The following C19orf47 variants were observed in gnomAD, a reference collection of about 807,000 sequenced individuals.
The protein encoded by C19orf47 is uncharacterized protein C19orf47.
Under a neutral mutation model 32.3 loss-of-function variants are expected in C19orf47, and 18 were observed. That is an observed-to-expected ratio of 0.56 (90% confidence interval 0.39 to 0.83). The LOEUF is 0.83. Among genes scored for constraint, C19orf47 ranks in the 40% least tolerant of loss-of-function variants. The pLI is 0.00. For missense variants in C19orf47, 484 were observed against 531.6 expected, an observed-to-expected ratio of 0.91 and a Z score of 0.88; for synonymous variants, 202 against 211.1, an observed-to-expected ratio of 0.96 and a Z score of 0.37.
chr19:40,308,042 C>A, the C19orf47 span, among the ~76,000 whole-genome samples: 1 of 152,086 alleles, frequency 6.6e-6, no homozygotes, highest in Admixed American at 6.6e-5. Flanking sequence ...TAGGATCAAG[C>A]TCTTCATAAT....
intron 2 of C19orf47, among the ~76,000 whole-genome samples, chr19:40,338,276 C>T (rs1374654320): frequency 6.7e-6 from 1 of 148,902 alleles, no homozygotes; most frequent in African/African-American, 2.5e-5. Flanking sequence ...TACACACACA[C>T]ACACACACAC....
rs533193114 is a variant in C19orf47, at chr19:40,321,796, G to A, written c.*86C>T. 49 of 1,446,506 alleles carry A rather than the reference G, an allele frequency of 3.4e-5. No individual in the cohort carries two copies. The East Asian group carries it at 1.2e-3, about 35-fold the overall frequency. The allele number at this position is 1,446,506 out of a possible 1,614,324, so 89.6% of individuals were successfully genotyped here. ...GACAAGCTGTGTCATCCAGGAGCTG[G>A]TGGGAGGCGTGATGAAGCCAGGAGC... On this transcript the variant is annotated 3_prime_UTR_variant, in exon 9 of 9. Coordinates refer to ENST00000683109, the MANE Select transcript of C19orf47 (RefSeq NM_001256441.2).
chr19:40,317,175 G>A (rs560612599), downstream of C19orf47, among the ~76,000 whole-genome samples: 1 of 151,878 alleles, frequency 6.6e-6, no homozygotes, highest in Non-Finnish European at 1.5e-5. Context: ...GCAGTGGTGC[G>A]ATCACAGCTC....
At chr19:40,304,536 AC>A in the C19orf47 span, among the ~76,000 whole-genome samples, 1 of 152,028 alleles carries the variant, frequency 6.6e-6, no homozygotes, top group Non-Finnish European at 1.5e-5. Flanking sequence ...TAACAAGACA[AC>A]TTTTATTCAC....
intron 1 of C19orf47, chr19:40,342,358 A>G (rs1286620982): frequency 2.4e-5 from 4 of 166,458 alleles, no homozygotes; most frequent in Non-Finnish European, 3.9e-5. Flanking sequence ...AATTATCTCA[A>G]TTGACTGTTC....
At chr19:40,305,071 G>A in the C19orf47 span, among the ~76,000 whole-genome samples, 3 of 152,174 alleles carry the variant, frequency 2.0e-5, no homozygotes, top group East Asian at 1.9e-4. Flanking sequence ...GGCCAGGCGC[G>A]GTGGCTCATG....
At position 40,321,577 on chromosome 19, in the gene C19orf47, AG is replaced by A; in HGVS notation, c.*304del. 8.7e-7 allele frequency: 1 copy of A among 1,152,034 alleles called. No homozygotes were observed. Among genetic ancestry groups the A allele is most frequent in the Non-Finnish European group, 1.1e-6 (1 of 933,464 alleles). 71.4% of individuals were successfully genotyped at this position (1,152,034 alleles called of 1,614,324 possible). On this transcript the variant is annotated 3_prime_UTR_variant, in exon 9 of 9. Transcript: ENST00000683109. ...CAGGGGAAGAAGGGGAATGTAGGAGAGGAAGAAGCCCCCTGGCACTTGGGAG... is the reference window on the plus strand; with the variant it reads ...CAGGGGAAGAAGGGGAATGTAGGAGAGAAGAAGCCCCCTGGCACTTGGGAG...
the C19orf47 span, among the ~76,000 whole-genome samples, chr19:40,294,513 C>G: frequency 1.3e-5 from 2 of 151,618 alleles, no homozygotes; most frequent in Non-Finnish European, 2.9e-5. Context: ...ATGTCTGTGT[C>G]TTTTGTGTTG....
chr19:40,322,354 A>G lies in C19orf47; in HGVS notation c.686T>C (p.Leu229Pro). 1 of 1,593,040 alleles carries G rather than the reference A, an allele frequency of 6.3e-7. No individual in the cohort carries two copies. The highest frequency in any genetic ancestry group is 8.6e-7 in the Non-Finnish European group (1 of 1,167,042). The change falls in exon 9 of 9, where the codon CTG becomes CCG. Residue 229 changes from leucine to proline, a missense_variant. Coordinates refer to ENST00000683109, the MANE Select transcript of C19orf47 (RefSeq NM_001256441.2). Reference sequence around the variant, plus strand: ...CTCGTCCGTTTCTGGGGTGGCCCCCAGGCGGCTGAAGACTCCTGTGGGCTG... The same window carrying G: ...CTCGTCCGTTTCTGGGGTGGCCCCCGGGCGGCTGAAGACTCCTGTGGGCTG... ...GSKPTGVFSR[L>P]GATPETDEDL...
the C19orf47 span, among the ~76,000 whole-genome samples, chr19:40,298,150 G>C: frequency 6.6e-6 from 1 of 151,820 alleles, no homozygotes; most frequent in Non-Finnish European, 1.5e-5. Context: ...AAGAACATGT[G>C]AAATAAATAA....
At chr19:40,308,445 A>G in the C19orf47 span, among the ~76,000 whole-genome samples, 224 of 147,618 alleles carry the variant, frequency 1.5e-3, no homozygotes, top group Middle Eastern at 0.015. Flanking sequence ...GTGAGCCACC[A>G]CGCCCAGCCA....
At chr19:40,315,379 C>T (rs2077654913), downstream of C19orf47, among the ~76,000 whole-genome samples, 1 of 152,148 alleles carries the variant, frequency 6.6e-6, no homozygotes. Context: ...GGTGTGGTGG[C>T]TCATGCCTGT....
chr19:40,329,592 G>A (rs538653976), intron 5 of C19orf47, among the ~76,000 whole-genome samples: 1 of 152,208 alleles, frequency 6.6e-6, no homozygotes, highest in South Asian at 2.1e-4. Context: ...CCAGCACCCA[G>A]GCATCATGAC....
At chr19:40,326,570 T>A in intron 6 of C19orf47, 84 bp from the exon 7 acceptor site, 1 of 1,470,996 alleles carries the variant, frequency 6.8e-7, no homozygotes, top group Non-Finnish European at 9.2e-7. Context: ...GTGTCCTTTA[T>A]CTCCACACAT....
At chr19:40,323,963 C>A in intron 8 of C19orf47, 43 bp downstream of exon 8, 1 of 1,610,650 alleles carries the variant, frequency 6.2e-7, no homozygotes, top group Non-Finnish European at 8.5e-7. Flanking sequence ...TCAGGGAAGA[C>A]AACAGCTCGC....
rs370360957 is a variant in C19orf47, at chr19:40,336,340, G to T, written c.87C>A (p.Ala29=). ...CTCACCTATTATCCACAAACATCAC[G>T]GCATAATTGACGGCAGGTCCTGGAG... The part of the protein sequence containing the change: ...GIPPGPAVNY[A]VMFVDNRIQK... Residue 29 remains alanine, a synonymous_variant, in exon 3 of 9, where the codon GCC becomes GCA. Transcript: ENST00000683109. 1.2e-6 allele frequency: 2 copies of T among 1,614,004 alleles called. No homozygotes were observed. Among genetic ancestry groups the T allele is most frequent in the African/African-American group, 2.7e-5 (2 of 74,892 alleles).
intron 5 of C19orf47, among the ~76,000 whole-genome samples, chr19:40,330,124 T>G (rs1054096256): frequency 3.3e-5 from 5 of 152,234 alleles, no homozygotes; most frequent in African/African-American, 7.2e-5. Flanking sequence ...TGTGTAAAAG[T>G]GATCATCTCA....
chr19:40,336,510 A>G, intron 2 of C19orf47, 103 bp from the exon 3 acceptor site: 1 of 1,031,684 alleles, frequency 9.7e-7, no homozygotes, highest in African/African-American at 1.6e-5. Flanking sequence ...TGCTCATCAT[A>G]TGCCAGGCCC....
intron 5 of C19orf47, among the ~76,000 whole-genome samples, chr19:40,333,621 A>C (rs2078000234): frequency 6.6e-6 from 1 of 152,224 alleles, no homozygotes; most frequent in Non-Finnish European, 1.5e-5. Flanking sequence ...GAATTCACTA[A>C]GTGTACATAT....
Sources: allele counts gnomAD v4.1 joint callset (sites outside exome capture counted in the v4.1 genomes callset), GRCh38; gene constraint gnomAD v4.1.1; transcripts MANE v1.5; gene names NCBI Gene and HGNC (gene_info 2026-07-23, HGNC 2026-07-21).